Variants in DENND1A observed in about 807,000 individuals in gnomAD.
DENND1A encodes DENN domain-containing protein 1A.
A neutral mutation model predicts 113.7 loss-of-function variants in DENND1A; 51 were observed. The observed-to-expected ratio is 0.45, with a 90% CI of 0.36 to 0.57. DENND1A has a LOEUF of 0.57. Ranked by LOEUF, DENND1A falls within the 20% of genes least tolerant of loss-of-function variation. DENND1A has a pLI of 0.00. For synonymous variants in DENND1A, 565 were observed against 570.8 expected (o/e 0.99, Z 0.14); for missense variants, 1,258 against 1,395.9 (o/e 0.90, Z 1.57).
chr9:123,703,355 G>C (rs1377994609), intron 5 of DENND1A, among the ~76,000 whole-genome samples: 2 of 152,184 alleles, frequency 1.3e-5, no homozygotes, highest in Non-Finnish European at 2.9e-5. Flanking sequence ...AATGTCAGGG[G>C]AGGATGTACA....
chr9:123,678,566 C>A (rs1364616337), intron 5 of DENND1A, among the ~76,000 whole-genome samples: 1 of 152,150 alleles, frequency 6.6e-6, no homozygotes, highest in Admixed American at 6.5e-5. Context: ...GGAATCAGCA[C>A]CCTGTACAGA....
chr9:123,671,032 G>A (rs73665328), intron 7 of DENND1A, among the ~76,000 whole-genome samples: 8,000 of 152,212 alleles, frequency 0.053, 676 homozygotes, highest in African/African-American at 0.18. Flanking sequence ...CAGCATCTGT[G>A]ATCCAAGAGA....
intron 12 of DENND1A, among the ~76,000 whole-genome samples, chr9:123,562,497 T>G (rs897152260): frequency 6.6e-6 from 1 of 152,062 alleles, no homozygotes; most frequent in Non-Finnish European, 1.5e-5. Flanking sequence ...TACTGTCGAG[T>G]GAGGAAAAAC....
At chr9:123,658,834 C>T (rs910770014) in intron 8 of DENND1A, among the ~76,000 whole-genome samples, 1 of 152,088 alleles carries the variant, frequency 6.6e-6, no homozygotes, top group Non-Finnish European at 1.5e-5. Context: ...TTTTACCAAA[C>T]GTTCATTCAA....
At chr9:123,542,266 G>A (rs960450117) in intron 13 of DENND1A, among the ~76,000 whole-genome samples, 7 of 152,146 alleles carry the variant, frequency 4.6e-5, no homozygotes, top group African/African-American at 1.7e-4. Context: ...TGAAGGTATC[G>A]TTTAAGTCGA....
chr9:123,593,937 T>G (rs749621744), intron 11 of DENND1A, among the ~76,000 whole-genome samples: 7 of 152,058 alleles, frequency 4.6e-5, no homozygotes, highest in Non-Finnish European at 1.0e-4. Flanking sequence ...TGTTTGAAAG[T>G]GTGTAGCATT....
At chr9:123,714,506 G>C (rs903912553) in intron 5 of DENND1A, among the ~76,000 whole-genome samples, 5 of 152,124 alleles carry the variant, frequency 3.3e-5, no homozygotes, top group Non-Finnish European at 7.4e-5. Flanking sequence ...GGAGGCTGAA[G>C]AAGGAGAATT....
At chr9:123,543,081 G>C (rs567472923) in intron 13 of DENND1A, among the ~76,000 whole-genome samples, 7 of 152,276 alleles carry the variant, frequency 4.6e-5, no homozygotes, top group African/African-American at 1.7e-4. Context: ...CCAAACCTCT[G>C]TCTGGCCAGA....
chr9:123,413,935 C>G, intron 19 of DENND1A: 1 of 986,674 alleles, frequency 1.0e-6, no homozygotes, highest in Non-Finnish European at 1.2e-6. Flanking sequence ...TCTAGACACC[C>G]AGCTCTCCTA....
At chr9:123,768,101 C>T (rs560340552) in intron 4 of DENND1A, among the ~76,000 whole-genome samples, 24 of 152,268 alleles carry the variant, frequency 1.6e-4, no homozygotes, top group African/African-American at 5.8e-4. Flanking sequence ...GACAAGACGA[C>T]TCCCATTACA....
chr9:123,529,511 G>A (rs544948274), intron 13 of DENND1A, among the ~76,000 whole-genome samples: 4 of 152,012 alleles, frequency 2.6e-5, no homozygotes, highest in South Asian at 2.1e-4. Context: ...TTCTGCTACC[G>A]AGAAGAGACA....
At chr9:123,801,655 G>A (rs192147840) in intron 2 of DENND1A, among the ~76,000 whole-genome samples, 2 of 152,180 alleles carry the variant, frequency 1.3e-5, no homozygotes, top group East Asian at 3.9e-4. Context: ...TCAAATTACT[G>A]GATCATATAA....
chr9:123,402,901 G>A (rs1483306372), intron 21 of DENND1A, among the ~76,000 whole-genome samples: 4 of 152,320 alleles, frequency 2.6e-5, no homozygotes, highest in East Asian at 3.9e-4. Flanking sequence ...GGAGCTCCGC[G>A]TCTCAGGGAG....
chr9:123,507,400 T>C (rs934229094), intron 13 of DENND1A, among the ~76,000 whole-genome samples: 8 of 152,194 alleles, frequency 5.3e-5, no homozygotes, highest in Non-Finnish European at 1.2e-4. Flanking sequence ...AAAGTTTGCA[T>C]CTTTATAATC....
At chr9:123,648,237 G>A (rs184574399) in intron 9 of DENND1A, among the ~76,000 whole-genome samples, 1 of 152,180 alleles carries the variant, frequency 6.6e-6, no homozygotes, top group Admixed American at 6.5e-5. Context: ...GTTCTACCAC[G>A]CTCATTTTTA....
chr9:123,927,147 C>A (rs571298412), intron 1 of DENND1A, among the ~76,000 whole-genome samples: 1 of 152,206 alleles, frequency 6.6e-6, no homozygotes, highest in Admixed American at 6.5e-5. Flanking sequence ...TTCCACGGTA[C>A]CTGACAGAGA....
chr9:123,488,018 C>T (rs2051039300), intron 13 of DENND1A, among the ~76,000 whole-genome samples: 2 of 152,234 alleles, frequency 1.3e-5, no homozygotes, highest in South Asian at 4.1e-4. Flanking sequence ...CACCCACAGA[C>T]ATCCAGCCAG....
At chr9:123,664,773 G>A (rs1564910192) in intron 8 of DENND1A, among the ~76,000 whole-genome samples, 1 of 152,082 alleles carries the variant, frequency 6.6e-6, no homozygotes, top group African/African-American at 2.4e-5. Context: ...CACCATAAAA[G>A]ACAGTGACCT....
At chr9:123,609,506 A>T in intron 10 of DENND1A, 25 bp from the exon 11 acceptor site, 1 of 1,610,578 alleles carries the variant, frequency 6.2e-7, no homozygotes. Context: ...AGAGACACAC[A>T]GCTGCTTTAA....
Sources: gnomAD v4.1 joint callset for allele counts (sites outside exome capture counted in the v4.1 genomes callset) on GRCh38, gnomAD v4.1.1 for gene constraint, MANE v1.5 for transcripts, NCBI Gene and HGNC (gene_info 2026-07-23, HGNC 2026-07-21) for gene names.